Variants in JMJD1C observed in about 807,000 individuals in gnomAD.
JMJD1C encodes the protein jumonji domain containing 1C.
Under a neutral mutation model 245.3 loss-of-function variants are expected in JMJD1C, and 31 were observed. The ratio of observed to expected loss-of-function variants is 0.13; its 90% CI spans 0.09 to 0.17. JMJD1C has a LOEUF of 0.17. Ranked by LOEUF, JMJD1C falls within the 10% of genes least tolerant of loss-of-function variation. The pLI is 1.00. For synonymous variants in JMJD1C, 1,057 were observed against 1,017.4 expected, an observed-to-expected ratio of 1.04 and a Z score of -0.74; for missense variants, 2,691 against 3,000.2, an observed-to-expected ratio of 0.90 and a Z score of 2.41.
At chr10:63,466,246 C>T (rs1427168121), upstream of JMJD1C, 1 of 161,014 alleles carries the variant, frequency 6.2e-6, no homozygotes, top group East Asian at 1.9e-4. Context: ...ATTCGTTGCT[C>T]CCTCAGAGGT....
At chr10:63,305,632 G>A (rs1409565500) in intron 2 of JMJD1C, among the ~76,000 whole-genome samples, 3 of 50,928 alleles carry the variant, frequency 5.9e-5, no homozygotes, top group African/African-American at 5.3e-4. Flanking sequence ...ATGCTGGCGT[G>A]TGTGTGTGTG....
At position 63,306,534 on chromosome 10, in the gene JMJD1C, G is replaced by GA. The variant is rs1251026096; in HGVS notation, c.334-41771dup. 3.3e-5 allele frequency among the ~76,000 whole-genome samples: 5 copies of GA among 152,184 alleles called. No homozygotes were observed. In the East Asian group the frequency reaches 9.6e-4, roughly 29 times the overall value. On this transcript the variant is annotated intron_variant, in intron 2 of 25. Transcript: ENST00000399262. ...GTGAGATGAAACCAGATTTATAAAA[G>GA]AAAAAATGTATGACTGTGACATCAC...
intron 4 of JMJD1C, chr10:63,217,579 A>T (rs568928729): frequency 3.8e-6 from 1 of 264,516 alleles, no homozygotes; most frequent in South Asian, 1.1e-4. Flanking sequence ...GAAGGTTTCT[A>T]GGATCACGAG....
chr10:63,244,477 A>G (rs1035648212), intron 3 of JMJD1C, among the ~76,000 whole-genome samples: 4 of 152,208 alleles, frequency 2.6e-5, no homozygotes, highest in Admixed American at 2.0e-4. Context: ...AGTCTAGAAT[A>G]ACCAATCCTT....
intron 1 of JMJD1C, among the ~76,000 whole-genome samples, chr10:63,383,242 A>T (rs1469754726): frequency 6.6e-6 from 1 of 151,102 alleles, no homozygotes; most frequent in African/African-American, 2.4e-5. Context: ...AAGCTTATCT[A>T]TTAGAATATC....
rs553383426 is a variant in JMJD1C at position 63,207,532 on chromosome 10, A to G, written c.4137T>C (p.Ser1379=). The part of the protein sequence containing the change: ...EKNFQAVSQG[S]VPSSVMSAVN... ...CAGCAGACATGACTGAACTGGGAAC[A>G]CTGCCCTGTGAGACAGCCTGAAAGT... The change falls in exon 10 of 26, where the codon AGT becomes AGC. Residue 1379 remains serine, a synonymous_variant. Coordinates refer to ENST00000399262, the MANE Select transcript of JMJD1C (RefSeq NM_032776.3). 1.7e-5 allele frequency: 27 copies of G among 1,614,214 alleles called. No individual in the cohort carries two copies. In the East Asian group the frequency reaches 6.0e-4, roughly 36 times the overall value.
chr10:63,329,674 A>G (rs963188425), intron 2 of JMJD1C, among the ~76,000 whole-genome samples: 1 of 152,216 alleles, frequency 6.6e-6, no homozygotes, highest in Non-Finnish European at 1.5e-5. Flanking sequence ...ACTTTCTGAC[A>G]TTGCAAAAGC....
chr10:63,517,094 A>G (rs1013945085), intron 1 of JMJD1C, among the ~76,000 whole-genome samples: 7 of 152,212 alleles, frequency 4.6e-5, no homozygotes, highest in African/African-American at 1.7e-4. Context: ...CCAAATAAAT[A>G]TATTTTTTAG....
rs889916736 is a variant in JMJD1C, at chr10:63,260,386, G to A, written c.447+4265C>T. 1.8e-4 allele frequency among the ~76,000 whole-genome samples: 27 copies of A among 152,214 alleles called. No homozygotes were observed. The East Asian group carries it at 5.2e-3, about 29-fold the overall frequency. ...AGCAACCCCAACCTGAAAACTGTAG[G>A]TGTGTGCACGGCCAGTAGCCAAAAT... On this transcript the variant is annotated intron_variant, in intron 3 of 25. Coordinates refer to ENST00000399262, the MANE Select transcript of JMJD1C (RefSeq NM_032776.3).
chr10:63,339,106 G>A (rs766429612), intron 2 of JMJD1C, among the ~76,000 whole-genome samples: 3 of 152,150 alleles, frequency 2.0e-5, no homozygotes, highest in Non-Finnish European at 4.4e-5. Flanking sequence ...CTACAAGCTG[G>A]TAGATACCAC....
At chr10:63,413,015 G>A (rs545170795) in intron 1 of JMJD1C, among the ~76,000 whole-genome samples, 9 of 149,492 alleles carry the variant, frequency 6.0e-5, no homozygotes, top group East Asian at 2.0e-4. Context: ...AGAAAAAGCC[G>A]AAACACAAAA....
intron 1 of JMJD1C, among the ~76,000 whole-genome samples, chr10:63,422,848 T>C (rs765439449): frequency 1.3e-5 from 2 of 152,212 alleles, no homozygotes; most frequent in African/African-American, 4.8e-5. Context: ...TTTACAAAAA[T>C]TGTGATAAGA....
Position 63,214,517 on chromosome 10 carries a change from A to G in JMJD1C, c.1650T>C (p.Asn550=), listed in dbSNP as rs767125622. ...NVSDSKHSIA[N]AKFLETAKKD... The stretch of plus-strand genomic sequence containing the variant: ...TTTTTGCTGTTTCCAAGAATTTTGC[A>G]TTTGCAATAGAGTGTTTTGAATCAC... Residue 550 remains asparagine (N), a synonymous_variant, in exon 8 of 26, where the codon AAT becomes AAC. Coordinates refer to ENST00000399262, the MANE Select transcript of JMJD1C (RefSeq NM_032776.3). 1.2e-6 allele frequency: 2 copies of G among 1,613,950 alleles called. No individual in the cohort carries two copies. Among genetic ancestry groups the G allele is most frequent in the Non-Finnish European group, 8.5e-7 (1 of 1,179,974 alleles).
chr10:63,186,028 A>G (rs533482811), intron 19 of JMJD1C, among the ~76,000 whole-genome samples, 187 bp downstream of exon 19: 1 of 152,338 alleles, frequency 6.6e-6, no homozygotes, highest in East Asian at 1.9e-4. Flanking sequence ...GGCATCTTTA[A>G]GGTCAAAGGA....
At chr10:63,237,107 G>A (rs770472072) in intron 3 of JMJD1C, among the ~76,000 whole-genome samples, 7 of 151,838 alleles carry the variant, frequency 4.6e-5, no homozygotes, top group Admixed American at 2.0e-4. Context: ...GCGCAATCTC[G>A]GCCCACTGCA....
chr10:63,239,063 T>C (rs1302831595), intron 3 of JMJD1C, among the ~76,000 whole-genome samples: 1 of 152,186 alleles, frequency 6.6e-6, no homozygotes, highest in Non-Finnish European at 1.5e-5. Flanking sequence ...AAGGAAATAT[T>C]TGAGTTGAGA....
chr10:63,238,006 TAAAAAAAAAAA>T (rs35736445), intron 3 of JMJD1C, among the ~76,000 whole-genome samples: 3 of 27,602 alleles, frequency 1.1e-4, no homozygotes, highest in African/African-American at 1.6e-4. Context: ...CCGTCTCTAC[TAAAAAAAAAAA>T]AAAAAAAAAA....
intron 2 of JMJD1C, among the ~76,000 whole-genome samples, chr10:63,297,456 C>G (rs1396615815): frequency 3.9e-5 from 6 of 152,206 alleles, no homozygotes; most frequent in Non-Finnish European, 7.4e-5. Flanking sequence ...CTCTGTCTTG[C>G]TCACCCTCCA....
intron 1 of JMJD1C, among the ~76,000 whole-genome samples, chr10:63,380,977 G>A (rs534959558): frequency 6.6e-5 from 10 of 152,184 alleles, no homozygotes; most frequent in African/African-American, 1.9e-4. Flanking sequence ...AGTGTTTATT[G>A]CAACACTATT....
Sources: gnomAD v4.1 joint callset for allele counts (sites outside exome capture counted in the v4.1 genomes callset) on GRCh38, gnomAD v4.1.1 for gene constraint, MANE v1.5 for transcripts, NCBI Gene and HGNC (gene_info 2026-07-23, HGNC 2026-07-21) for gene names.